The following PLXDC2 variants were observed in gnomAD, a reference collection of about 807,000 sequenced individuals.
PLXDC2 encodes the protein plexin domain containing 2.
In PLXDC2, 40 loss-of-function variants were observed where a neutral mutation model predicts 68.9. The observed-to-expected ratio is 0.58, with a 90% CI of 0.45 to 0.76. The LOEUF (loss-of-function observed/expected upper bound fraction) is 0.76. Ranked by LOEUF, PLXDC2 falls within the 30% of genes least tolerant of loss-of-function variation. The pLI, the probability that PLXDC2 is intolerant of heterozygous loss-of-function variation, is 0.00. For missense variants in PLXDC2, 644 were observed against 661.9 expected (o/e 0.97, Z 0.30); for synonymous variants, 243 against 234.2 (o/e 1.04, Z -0.34).
chr10:19,940,657 A>T (rs1287823395), intron 1 of PLXDC2, among the ~76,000 whole-genome samples: 4 of 152,132 alleles, frequency 2.6e-5, no homozygotes, highest in South Asian at 2.1e-4. Flanking sequence ...AAAAGAATAC[A>T]TGCCAACCAC....
At chr10:20,174,830 T>G (rs1479409055) in intron 7 of PLXDC2, among the ~76,000 whole-genome samples, 1 of 151,922 alleles carries the variant, frequency 6.6e-6, no homozygotes, top group Non-Finnish European at 1.5e-5. Context: ...GGAGAGATAC[T>G]TATAGGTTGT....
At chr10:20,193,299 T>C (rs138077559) in intron 9 of PLXDC2, among the ~76,000 whole-genome samples, 42 of 152,196 alleles carry the variant, frequency 2.8e-4, no homozygotes, top group Non-Finnish European at 4.9e-4. Context: ...AACAAATGTA[T>C]TGATTAATGG....
rs1369296528 is a variant in PLXDC2, at chr10:20,043,516, G to A, written c.325-3353G>A. On this transcript the variant is annotated intron_variant, in intron 2 of 13. Transcript: ENST00000377252. ...TCCAGAGATTAAGGAAAATGCCAAG[G>A]TTATTTTATAAATGCTGATTTCAAA... The A allele has an allele frequency of 2.0e-5, 3 of 151,964 alleles. No homozygotes were observed. The East Asian group carries it at 5.8e-4, about 29-fold the overall frequency. 9.4% of individuals were successfully genotyped at this position (151,964 alleles called of 1,614,324 possible).
At chr10:20,194,989 T>C (rs1379273971) in intron 9 of PLXDC2, among the ~76,000 whole-genome samples, 1 of 152,002 alleles carries the variant, frequency 6.6e-6, no homozygotes, top group Non-Finnish European at 1.5e-5. Flanking sequence ...AGTGGGCTCA[T>C]AGTGCTTACC....
At chr10:20,110,964 G>T (rs544215271) in intron 4 of PLXDC2, among the ~76,000 whole-genome samples, 36 of 152,104 alleles carry the variant, frequency 2.4e-4, no homozygotes, top group African/African-American at 8.0e-4. Context: ...GACACCTATT[G>T]GGCTCCCTTG....
chr10:20,142,142 C>T (rs562216595), intron 4 of PLXDC2, among the ~76,000 whole-genome samples: 11 of 152,186 alleles, frequency 7.2e-5, no homozygotes, highest in Non-Finnish European at 1.6e-4. Flanking sequence ...AGACTGCAAT[C>T]TGCCAATGAA....
At chr10:19,872,948 A>G (rs2131344232) in intron 1 of PLXDC2, among the ~76,000 whole-genome samples, 1 of 152,312 alleles carries the variant, frequency 6.6e-6, no homozygotes, top group South Asian at 2.1e-4. Flanking sequence ...TTTTCCACAT[A>G]TCTAATCTTT....
intron 12 of PLXDC2, among the ~76,000 whole-genome samples, chr10:20,238,375 G>A (rs904444132): frequency 1.5e-4 from 22 of 150,504 alleles, no homozygotes; most frequent in Admixed American, 1.4e-3. Flanking sequence ...GGCCAGGTGC[G>A]GTGGCTCACA....
At chr10:20,277,368 A>G (rs1295563876) in intron 13 of PLXDC2, among the ~76,000 whole-genome samples, 2 of 152,206 alleles carry the variant, frequency 1.3e-5, no homozygotes, top group Non-Finnish European at 2.9e-5. Context: ...AGAAGGAGGC[A>G]GAAGGGACAA....
intron 4 of PLXDC2, among the ~76,000 whole-genome samples, chr10:20,089,955 T>A (rs1833254606): frequency 6.6e-6 from 1 of 152,114 alleles, no homozygotes; most frequent in Non-Finnish European, 1.5e-5. Flanking sequence ...TTTTTTCAGA[T>A]TAGAGGGAAG....
rs544177069 is a variant in PLXDC2, at chr10:19,935,657, G to C, written c.113-66118G>C. On this transcript the variant is annotated intron_variant, in intron 1 of 13. Coordinates refer to ENST00000377252, the MANE Select transcript of PLXDC2 (RefSeq NM_032812.9). The stretch of plus-strand genomic sequence containing the variant: ...CACCCAAGAGAATGTTAACACTGAT[G>C]CATTGACCTGCCTCCTATGTTTTAA... Among the ~76,000 whole-genome samples the C allele has an allele frequency of 6.6e-5, 10 of 152,300 alleles. No homozygotes were observed. The South Asian group carries it at 2.1e-3, about 32-fold the overall frequency.
At chr10:19,964,679 C>T (rs997700615) in intron 1 of PLXDC2, among the ~76,000 whole-genome samples, 45 of 152,174 alleles carry the variant, frequency 3.0e-4, no homozygotes, top group African/African-American at 9.9e-4. Context: ...TATTTGTTTT[C>T]GTGTCTCTCT....
Position 19,862,383 on chromosome 10 carries a change from T to G in PLXDC2, c.112+45192T>G, listed in dbSNP as rs116542140. Among the ~76,000 whole-genome samples, 727 of 152,322 alleles carry G rather than the reference T, an allele frequency of 4.8e-3. 7 individuals carry two copies. Among genetic ancestry groups the G allele is most frequent in the African/African-American group, 0.015 (639 of 41,574 alleles). ...ACAATTTTATGTAGCCAATACTTGT[T>G]TATTCATTAAAAAATTTATTAAGTG... On this transcript the variant is annotated intron_variant, in intron 1 of 13. Transcript: ENST00000377252.
At chr10:20,076,088 AT>A (rs1244760272) in intron 4 of PLXDC2, among the ~76,000 whole-genome samples, 1 of 152,218 alleles carries the variant, frequency 6.6e-6, no homozygotes, top group Non-Finnish European at 1.5e-5. Context: ...CCAATTGAAA[AT>A]AAAGGGTGTC....
At chr10:19,900,955 G>A (rs1055075786) in intron 1 of PLXDC2, among the ~76,000 whole-genome samples, 6 of 151,178 alleles carry the variant, frequency 4.0e-5, no homozygotes, top group African/African-American at 1.5e-4. Context: ...TTATGGCTGA[G>A]TAGTATCCCA....
chr10:19,916,125 TG>T (rs1833361320), intron 1 of PLXDC2, among the ~76,000 whole-genome samples: 3 of 134,126 alleles, frequency 2.2e-5, no homozygotes, highest in Admixed American at 7.3e-5. Context: ...GAGGGAGTTG[TG>T]TTTTGTTTTG....
chr10:20,177,014 C>T lies in PLXDC2; in HGVS notation c.899C>T (p.Thr300Ile), dbSNP rs148566256. The T allele has an allele frequency of 1.2e-6, 2 of 1,602,402 alleles. No homozygotes were observed. Among genetic ancestry groups the T allele is most frequent in the East Asian group, 2.2e-5 (1 of 44,638 alleles). ...TTTTTTCTAGATGTTCGAAGAAGAA[C>T]AATTTATGAATACCACCGAGTAGAG... ...IQQIPNVRRR[T>I]IYEYHRVELQ... The change falls in exon 8 of 14, where the codon ACA becomes ATA. Residue 300 changes from threonine to isoleucine, a missense_variant. Thr to Ile is a moderately conservative substitution (Grantham distance 89). Coordinates refer to ENST00000377252, the MANE Select transcript of PLXDC2 (RefSeq NM_032812.9).
chr10:19,921,254 A>G (rs1833457429), intron 1 of PLXDC2, among the ~76,000 whole-genome samples: 1 of 152,142 alleles, frequency 6.6e-6, no homozygotes. Flanking sequence ...ATCACTTAGA[A>G]TGTGACCTAC....
intron 13 of PLXDC2, among the ~76,000 whole-genome samples, chr10:20,254,424 C>T (rs1835716971): frequency 6.6e-6 from 1 of 152,170 alleles, no homozygotes; most frequent in Non-Finnish European, 1.5e-5. Flanking sequence ...CTATGTAGTT[C>T]ATAGAGAAAT....
Sources: gnomAD v4.1 joint callset for allele counts (sites outside exome capture counted in the v4.1 genomes callset) on GRCh38, gnomAD v4.1.1 for gene constraint, MANE v1.5 for transcripts, NCBI Gene and HGNC (gene_info 2026-07-23, HGNC 2026-07-21) for gene names.